TWSG1: variants seen among roughly 807,000 people sequenced by gnomAD.
TWSG1 encodes the protein twisted gastrulation BMP signaling modulator 1.
A neutral mutation model predicts 23.0 loss-of-function variants in TWSG1; 15 were observed. The observed-to-expected ratio is 0.65, with a 90% CI of 0.44 to 1.00. The LOEUF (loss-of-function observed/expected upper bound fraction) is 1.00, where lower values mean the gene tolerates loss of function less well. Among genes scored for constraint, TWSG1 ranks in the 50% least tolerant of loss-of-function variants. The pLI is 0.00. For synonymous variants in TWSG1, 86 were observed against 92.8 expected (o/e 0.93, Z 0.42); for missense variants, 242 against 278.7 (o/e 0.87, Z 0.94).
intron 3 of TWSG1, among the ~76,000 whole-genome samples, chr18:9,373,161 G>C (rs937524030): frequency 1.3e-5 from 2 of 152,146 alleles, no homozygotes; most frequent in African/African-American, 4.8e-5. Flanking sequence ...GAGATAAAGA[G>C]GGACATTACA....
intron 2 of TWSG1, among the ~76,000 whole-genome samples, chr18:9,358,449 A>AT (rs1265140948): frequency 6.6e-6 from 1 of 152,200 alleles, no homozygotes; most frequent in African/African-American, 2.4e-5. Flanking sequence ...AAGAAAGGTC[A>AT]TATAGTTCAA....
At chr18:9,367,664 G>A (rs2040586292) in intron 3 of TWSG1, among the ~76,000 whole-genome samples, 1 of 152,092 alleles carries the variant, frequency 6.6e-6, no homozygotes. Context: ...ACAGGAGCTC[G>A]AACCCTATTG....
intron 3 of TWSG1, among the ~76,000 whole-genome samples, chr18:9,390,080 G>A (rs2040704952): frequency 6.6e-6 from 1 of 152,182 alleles, no homozygotes. Flanking sequence ...GCTGGTGGAG[G>A]CTCTTGCCTA....
chr18:9,350,068 A>C (rs1158223381), intron 2 of TWSG1, among the ~76,000 whole-genome samples: 2 of 151,924 alleles, frequency 1.3e-5, no homozygotes, highest in African/African-American at 2.4e-5. Context: ...TGAACCCAGG[A>C]GGTGGAGGTT....
At chr18:9,364,601 C>T (rs1417493029) in intron 3 of TWSG1, among the ~76,000 whole-genome samples, 1 of 151,906 alleles carries the variant, frequency 6.6e-6, no homozygotes, top group East Asian at 1.9e-4. Context: ...CAAGACCAGC[C>T]TAGCCAACAT....
In TWSG1 at chr18:9,401,304, G is replaced by A. The variant is rs1193348658; in HGVS notation, c.*1777G>A. Reference sequence around the variant, plus strand: ...TGAAAGTATTCTGGAACTTTAGACAGAAAGCTGAAAGGAATCTGCAGTCTC... The same window carrying A: ...TGAAAGTATTCTGGAACTTTAGACAAAAAGCTGAAAGGAATCTGCAGTCTC... On this transcript the variant is annotated 3_prime_UTR_variant, in exon 5 of 5. Transcript: ENST00000262120. 6.6e-6 allele frequency: 1 copy of A among 152,004 alleles called. No homozygotes were observed. 9.4% of individuals were successfully genotyped at this position (152,004 alleles called of 1,614,324 possible).
intron 3 of TWSG1, among the ~76,000 whole-genome samples, chr18:9,374,338 A>T (rs908612875): frequency 6.6e-6 from 1 of 152,188 alleles, no homozygotes; most frequent in Non-Finnish European, 1.5e-5. Context: ...GCAGAAATGA[A>T]AAAGAGAACA....
intron 2 of TWSG1, among the ~76,000 whole-genome samples, chr18:9,354,707 T>C (rs1021621105): frequency 2.6e-5 from 4 of 152,226 alleles, no homozygotes; most frequent in Non-Finnish European, 5.9e-5. Flanking sequence ...AGATTTTTTA[T>C]GATAGAGAAA....
chr18:9,368,115 C>G (rs961255443), intron 3 of TWSG1, among the ~76,000 whole-genome samples: 4 of 152,172 alleles, frequency 2.6e-5, no homozygotes, highest in Non-Finnish European at 4.4e-5. Flanking sequence ...TCCATGCCCT[C>G]CCTCTCCAAC....
At chr18:9,346,704 A>T (rs2040478919) in intron 2 of TWSG1, among the ~76,000 whole-genome samples, 1 of 152,218 alleles carries the variant, frequency 6.6e-6, no homozygotes, top group Non-Finnish European at 1.5e-5. Flanking sequence ...TCAAGGCTAC[A>T]GTAGGTTATA....
At chr18:9,366,339 G>C (rs2040578561) in intron 3 of TWSG1, among the ~76,000 whole-genome samples, 1 of 152,202 alleles carries the variant, frequency 6.6e-6, no homozygotes, top group Non-Finnish European at 1.5e-5. Context: ...CACAGGGAAA[G>C]AGCCGGAAAA....
intron 3 of TWSG1, among the ~76,000 whole-genome samples, chr18:9,371,176 C>T (rs4239339): frequency 0.99 from 150,653 of 152,266 alleles, 74,565 homozygotes; most frequent in Middle Eastern, 1. Flanking sequence ...AAAAGGAGGT[C>T]TGAGATTGCA....
At chr18:9,368,079 C>G (rs983844845) in intron 3 of TWSG1, among the ~76,000 whole-genome samples, 1 of 152,158 alleles carries the variant, frequency 6.6e-6, no homozygotes, top group East Asian at 1.9e-4. Flanking sequence ...ACATTCCCAC[C>G]AACAGCATGC....
At chr18:9,385,024 T>G (rs2040675739) in intron 3 of TWSG1, among the ~76,000 whole-genome samples, 1 of 151,984 alleles carries the variant, frequency 6.6e-6, no homozygotes, top group South Asian at 2.1e-4. Context: ...ATGGTGAGAG[T>G]ATGAGTGACC....
intron 4 of TWSG1, chr18:9,396,825 C>T: frequency 2.0e-6 from 1 of 498,858 alleles, no homozygotes; most frequent in East Asian, 3.3e-5. Flanking sequence ...CTTTGGGAGG[C>T]CGAGGCAGGT....
intron 3 of TWSG1, among the ~76,000 whole-genome samples, chr18:9,365,064 TA>T (rs1358908660): frequency 1.3e-5 from 2 of 152,194 alleles, no homozygotes; most frequent in African/African-American, 4.8e-5. Flanking sequence ...CTCATTCCTG[TA>T]ATTCCAGCAC....
chr18:9,367,084 A>G (rs1414046023), intron 3 of TWSG1, among the ~76,000 whole-genome samples: 1 of 151,964 alleles, frequency 6.6e-6, no homozygotes, highest in African/African-American at 2.4e-5. Context: ...GCACTATGCT[A>G]CCACACCTCG....
At chr18:9,358,032 A>AT (rs920249436) in intron 2 of TWSG1, among the ~76,000 whole-genome samples, 73 of 152,194 alleles carry the variant, frequency 4.8e-4, no homozygotes, top group African/African-American at 1.6e-3. Flanking sequence ...GGTTGGAAAT[A>AT]AATAAAGCCT....
intron 3 of TWSG1, among the ~76,000 whole-genome samples, chr18:9,385,129 G>A (rs1249685137): frequency 1.3e-5 from 2 of 152,166 alleles, no homozygotes; most frequent in Admixed American, 6.5e-5. Context: ...TTGAAGATCT[G>A]TCTGTAGAAC....
Sources: allele counts gnomAD v4.1 joint callset (sites outside exome capture counted in the v4.1 genomes callset), GRCh38; gene constraint gnomAD v4.1.1; transcripts MANE v1.5; gene names NCBI Gene and HGNC (gene_info 2026-07-23, HGNC 2026-07-21).